AFF1: variants seen among roughly 807,000 people sequenced by gnomAD.
AFF1 encodes the protein ALF transcription elongation factor 1.
A neutral mutation model predicts 121.7 loss-of-function variants in AFF1; 48 were observed. That is an observed-to-expected ratio of 0.39 (90% CI 0.31 to 0.50). The LOEUF is 0.50. Among genes scored for constraint, AFF1 ranks in the 20% least tolerant of loss-of-function variants. The pLI is 0.76. For synonymous variants in AFF1, 613 were observed against 563.0 expected, an observed-to-expected ratio of 1.09 and a Z score of -1.26; for missense variants, 1,523 against 1,511.7, an observed-to-expected ratio of 1.01 and a Z score of -0.12.
At chr4:87,105,542 A>T in intron 8 of AFF1, 86 bp from the exon 9 acceptor site, 1 of 1,446,334 alleles carries the variant, frequency 6.9e-7, no homozygotes, top group East Asian at 2.3e-5. Context: ...TCTTTGTTTA[A>T]TTAGGCATAT....
chr4:86,935,769 G>A (rs1719932262), intron 1 of AFF1: 1 of 152,066 alleles, frequency 6.6e-6, no homozygotes, highest in Admixed American at 6.6e-5. Flanking sequence ...GTGGTCCGTA[G>A]CCTCCGGGGA....
At chr4:86,967,641 A>AT (rs752610488) in intron 2 of AFF1, among the ~76,000 whole-genome samples, 1,521 of 145,904 alleles carry the variant, frequency 0.01, 28 homozygotes, top group Middle Eastern at 0.029. Flanking sequence ...GCTCTGGATG[A>AT]TTTTTTTTTT....
chr4:86,996,472 G>T (rs540422388), intron 2 of AFF1, among the ~76,000 whole-genome samples: 1 of 151,764 alleles, frequency 6.6e-6, no homozygotes, highest in Non-Finnish European at 1.5e-5. Context: ...ACTCAGGGTT[G>T]AATGGATTAA....
chr4:86,971,342 G>T (rs1019308234), intron 2 of AFF1, among the ~76,000 whole-genome samples: 7 of 152,190 alleles, frequency 4.6e-5, no homozygotes, highest in Non-Finnish European at 1.5e-5. Context: ...ATCAGTTATT[G>T]TGACTGATCT....
chr4:87,041,962 C>T (rs2149603949), intron 2 of AFF1, among the ~76,000 whole-genome samples: 1 of 150,464 alleles, frequency 6.6e-6, no homozygotes, highest in East Asian at 2.0e-4. Flanking sequence ...TTGCAGTGAG[C>T]TGAGATCACT....
At chr4:87,048,729 C>T (rs937241611) in intron 4 of AFF1, among the ~76,000 whole-genome samples, 9 of 152,064 alleles carry the variant, frequency 5.9e-5, no homozygotes, top group South Asian at 2.1e-4. Context: ...GTTGGGGTGC[C>T]GTCCTCACTG....
At chr4:87,127,492 C>A in intron 15 of AFF1, 151 bp from the exon 16 acceptor site, 1 of 711,716 alleles carries the variant, frequency 1.4e-6, no homozygotes, top group East Asian at 2.7e-5. Flanking sequence ...TCCATTTCCT[C>A]CTCCCCTCCT....
chr4:87,081,753 T>C (rs17012389), intron 4 of AFF1, among the ~76,000 whole-genome samples: 5,746 of 152,246 alleles, frequency 0.038, 409 homozygotes, highest in African/African-American at 0.13. Context: ...AGATTAACAG[T>C]AAATTAACCA....
At chr4:86,941,359 T>A (rs1302451153) in intron 1 of AFF1, among the ~76,000 whole-genome samples, 3 of 151,502 alleles carry the variant, frequency 2.0e-5, no homozygotes, top group Admixed American at 6.6e-5. Flanking sequence ...AAAGTTTTTT[T>A]AAAAAATAGC....
rs1259108653 is a variant in AFF1 at position 87,081,834 on chromosome 4, AAG to A, written c.1060-2285_1060-2284del. On this transcript the variant is annotated intron_variant, in intron 4 of 20. Transcript: ENST00000395146. ...AAATGGTGACTATTAGTATCTGGAT[AAG>A]GTCAATGTTGCTAATCTAAAATAAG... is the stretch of plus-strand genomic sequence containing the variant. 5.9e-5 allele frequency among the ~76,000 whole-genome samples: 9 copies of A among 152,342 alleles called. No homozygotes were observed. The East Asian group carries it at 1.5e-3, about 26-fold the overall frequency.
intron 2 of AFF1, among the ~76,000 whole-genome samples, chr4:86,959,288 A>G (rs943510362): frequency 3.3e-5 from 5 of 152,158 alleles, no homozygotes; most frequent in African/African-American, 9.7e-5. Flanking sequence ...GTTGGTTACA[A>G]GAGTATATCA....
chr4:87,025,210 T>C (rs1206705817), intron 2 of AFF1, among the ~76,000 whole-genome samples: 5 of 152,242 alleles, frequency 3.3e-5, no homozygotes, highest in African/African-American at 1.2e-4. Flanking sequence ...TTGCCAGCAC[T>C]TGGACTCCAG....
In AFF1 at chr4:87,140,232, A is replaced by G. The variant is rs1407217872; in HGVS notation, c.*4531A>G. 5.1e-6 allele frequency: 1 copy of G among 195,006 alleles called. No homozygotes were observed. Among genetic ancestry groups the G allele is most frequent in the African/African-American group, 2.3e-5 (1 of 43,180 alleles). 12.1% of individuals were successfully genotyped at this position (195,006 alleles called of 1,614,324 possible). A position where few individuals can be genotyped will look rare whatever the true frequency, so the allele number is the denominator to read the frequency against. ...TGCTTTGCTTAAAAGTAGATTTTTT[A>G]AGCAATGCTTAACACAGGCAGCATT... is the stretch of plus-strand genomic sequence containing the variant. On this transcript the variant is annotated 3_prime_UTR_variant, in exon 21 of 21. Transcript: ENST00000395146.
chr4:86,993,122 CTT>C (rs1409587242), intron 2 of AFF1, among the ~76,000 whole-genome samples: 26 of 152,180 alleles, frequency 1.7e-4, no homozygotes, highest in African/African-American at 6.0e-4. Flanking sequence ...ACTCCCCTAA[CTT>C]TTTGGAAGGC....
chr4:87,110,436 TG>T (rs1419612041), intron 11 of AFF1, among the ~76,000 whole-genome samples: 12 of 130,134 alleles, frequency 9.2e-5, no homozygotes, highest in South Asian at 5.3e-4. Flanking sequence ...GATCTTGTTC[TG>T]GTTTTTTTGT....
At chr4:87,045,540 G>T (rs1028509675) in intron 2 of AFF1, among the ~76,000 whole-genome samples, 1 of 151,912 alleles carries the variant, frequency 6.6e-6, no homozygotes, top group African/African-American at 2.4e-5. Flanking sequence ...AGCGTTCTCC[G>T]TCGGTAGAGC....
intron 12 of AFF1, among the ~76,000 whole-genome samples, chr4:87,116,746 T>G (rs1238389009): frequency 1.3e-5 from 2 of 152,200 alleles, no homozygotes; most frequent in Non-Finnish European, 2.9e-5. Context: ...TGGGATCCAG[T>G]GCTAGTAAGT....
At chr4:87,133,249 A>G (rs1358630551) in intron 19 of AFF1, among the ~76,000 whole-genome samples, 2 of 152,218 alleles carry the variant, frequency 1.3e-5, no homozygotes, top group Non-Finnish European at 2.9e-5. Flanking sequence ...GAAAAAAAGA[A>G]TCCTTGTACA....
At chr4:87,035,412 T>G (rs1468862300) in intron 2 of AFF1, among the ~76,000 whole-genome samples, 1 of 151,988 alleles carries the variant, frequency 6.6e-6, no homozygotes, top group African/African-American at 2.4e-5. Flanking sequence ...ATAAAAAAAA[T>G]TAGCTGGGTG....
Sources: gnomAD v4.1 joint callset for allele counts (sites outside exome capture counted in the v4.1 genomes callset) on GRCh38, gnomAD v4.1.1 for gene constraint, MANE v1.5 for transcripts, NCBI Gene and HGNC (gene_info 2026-07-23, HGNC 2026-07-21) for gene names.